VMP1: variants seen among roughly 807,000 people sequenced by gnomAD.
VMP1 encodes the protein ectopic P-granules autophagy protein 3 homolog.
In VMP1, 11 loss-of-function variants were observed where a neutral mutation model predicts 56.0. The observed-to-expected ratio is 0.20, with a 90% CI of 0.12 to 0.32. The LOEUF (loss-of-function observed/expected upper bound fraction) is 0.32. VMP1 is among the 10% of genes least tolerant of loss of function. The pLI is 1.00. For missense variants in VMP1, 296 were observed against 490.3 expected (o/e 0.60, Z 3.74); for synonymous variants, 149 against 165.0 (o/e 0.90, Z 0.74).
At position 59,841,167 on chromosome 17, in the gene VMP1, T is replaced by A; in HGVS notation, c.*1256T>A. ...TCTTAACAGGCCAGAAATGCCTGGG[T>A]TTTTTTGGTTTGTTTTTGTTTTTGT... is the stretch of plus-strand genomic sequence containing the variant. On this transcript the variant is annotated 3_prime_UTR_variant, in exon 12 of 12. Transcript: ENST00000262291. The A allele has an allele frequency of 2.7e-6, 1 of 369,732 alleles. No individual in the cohort carries two copies. The highest frequency in any genetic ancestry group is 2.1e-5 in the African/African-American group (1 of 48,564). 22.9% of individuals were successfully genotyped at this position (369,732 alleles called of 1,614,324 possible).
At chr17:59,807,232 T>C (rs145655836) in intron 7 of VMP1, among the ~76,000 whole-genome samples, 5,058 of 149,862 alleles carry the variant, frequency 0.034, 340 homozygotes, top group African/African-American at 0.12. Flanking sequence ...AGTCTCGCTC[T>C]TGTTGCCCAG....
chr17:59,711,422 TC>T (rs67215819), intron 1 of VMP1, among the ~76,000 whole-genome samples: 73,896 of 151,354 alleles, frequency 0.49, 20,834 homozygotes, highest in Non-Finnish European at 0.65. Context: ...GGAAATGAAC[TC>T]TAGATTAGAG....
chr17:59,762,498 A>T (rs2036093213), intron 5 of VMP1, among the ~76,000 whole-genome samples: 1 of 152,214 alleles, frequency 6.6e-6, no homozygotes, highest in African/African-American at 2.4e-5. Flanking sequence ...TTTCATATAA[A>T]CATATTTTTT....
At chr17:59,784,855 G>A (rs2036953640) in intron 7 of VMP1, 2 of 152,088 alleles carry the variant, frequency 1.3e-5, no homozygotes, top group Non-Finnish European at 2.9e-5. Flanking sequence ...TAAATGACTT[G>A]CAAATTTTTT....
At chr17:59,719,255 C>G (rs1323265634) in intron 1 of VMP1, among the ~76,000 whole-genome samples, 2 of 152,034 alleles carry the variant, frequency 1.3e-5, no homozygotes, top group Non-Finnish European at 2.9e-5. Flanking sequence ...AGAGTTCCAG[C>G]CTGTGGTGAC....
intron 6 of VMP1, among the ~76,000 whole-genome samples, chr17:59,772,534 C>T (rs1381188936): frequency 3.3e-5 from 5 of 151,408 alleles, no homozygotes; most frequent in African/African-American, 4.8e-5. Context: ...TTTGGGAGGC[C>T]GAGGCGGGTG....
intron 10 of VMP1, among the ~76,000 whole-genome samples, chr17:59,834,934 C>T (rs2038932250): frequency 6.8e-6 from 1 of 147,216 alleles, no homozygotes; most frequent in Non-Finnish European, 1.5e-5. Flanking sequence ...TAATTTTTGT[C>T]TTTTTGGTAG....
intron 7 of VMP1, among the ~76,000 whole-genome samples, chr17:59,807,496 C>T (rs1019376857): frequency 2.0e-5 from 3 of 151,838 alleles, no homozygotes; most frequent in Admixed American, 6.6e-5. Flanking sequence ...CGCGCCCGGC[C>T]GGATCTGTCC....
intron 10 of VMP1, among the ~76,000 whole-genome samples, chr17:59,821,730 T>A (rs1490606698): frequency 6.6e-6 from 1 of 151,866 alleles, no homozygotes; most frequent in African/African-American, 2.4e-5. Context: ...TTTTTTATTT[T>A]TAGTAGGGAC....
chr17:59,744,969 T>C (rs1451756971), intron 5 of VMP1, among the ~76,000 whole-genome samples: 1 of 152,124 alleles, frequency 6.6e-6, no homozygotes, highest in South Asian at 2.1e-4. Context: ...TGGAAATCAG[T>C]TTGCAAGAGG....
At chr17:59,733,191 A>C (rs1406119493) in intron 2 of VMP1, among the ~76,000 whole-genome samples, 2 of 152,028 alleles carry the variant, frequency 1.3e-5, no homozygotes, top group Non-Finnish European at 2.9e-5. Context: ...GTCCCCCAAA[A>C]AAAAAAATTT....
rs535424072 is a variant in VMP1, at chr17:59,839,637, G to A, written c.1078-131G>A. The A allele has an allele frequency of 2.6e-6, 3 of 1,144,760 alleles. No individual in the cohort carries two copies. The African/African-American group carries it at 4.7e-5, about 18-fold the overall frequency. 70.9% of individuals were successfully genotyped at this position (1,144,760 alleles called of 1,614,324 possible). On this transcript the variant is annotated intron_variant, in intron 11 of 11. Transcript: ENST00000262291. ...TAATGGAGATTTCAGAGTAGTTGGG[G>A]TTGCTTACTTTTCATTTTTAATTCT...
At chr17:59,738,517 T>C (rs758803722) in intron 4 of VMP1, among the ~76,000 whole-genome samples, 4 of 152,236 alleles carry the variant, frequency 2.6e-5, no homozygotes, top group Non-Finnish European at 4.4e-5. Context: ...TTATTTTAAA[T>C]ATATCTAAAA....
intron 1 of VMP1, among the ~76,000 whole-genome samples, chr17:59,726,291 G>GTTTTTTTTTTTTTTTTTTTTTTTTTTTT (rs541555827): frequency 6.9e-6 from 1 of 145,058 alleles, no homozygotes; most frequent in African/African-American, 2.6e-5. Context: ...AGTTTTTTTT[G>GTTTTTTTTTTTTTTTTTTTTTTTTTTTT]TTTTTTTTTT....
intron 5 of VMP1, among the ~76,000 whole-genome samples, chr17:59,747,287 C>T (rs2143880842): frequency 6.6e-6 from 1 of 152,222 alleles, no homozygotes; most frequent in East Asian, 1.9e-4. Flanking sequence ...ACCTTTCTGG[C>T]CAGCTTATGC....
chr17:59,778,069 A>G (rs569599293), intron 7 of VMP1, among the ~76,000 whole-genome samples: 2 of 152,238 alleles, frequency 1.3e-5, no homozygotes, highest in South Asian at 4.1e-4. Flanking sequence ...ACTATCTATG[A>G]GATTTCCCAA....
intron 8 of VMP1, among the ~76,000 whole-genome samples, chr17:59,809,872 G>A (rs1037894627): frequency 1.6e-4 from 25 of 152,000 alleles, no homozygotes; most frequent in African/African-American, 6.0e-4. Context: ...TGGCTTTTAA[G>A]TATTTCATCA....
At chr17:59,722,711 G>A (rs1440154238) in intron 1 of VMP1, among the ~76,000 whole-genome samples, 1 of 152,176 alleles carries the variant, frequency 6.6e-6, no homozygotes, top group African/African-American at 2.4e-5. Flanking sequence ...GGGCATGGGG[G>A]TACATGCTTG....
intron 5 of VMP1, among the ~76,000 whole-genome samples, chr17:59,749,861 G>A (rs898233619): frequency 2.4e-4 from 36 of 152,172 alleles, no homozygotes; most frequent in Non-Finnish European, 2.5e-4. Context: ...GGCCCAGCCC[G>A]TCTACCCACT....
Sources: gnomAD v4.1 joint callset for allele counts (sites outside exome capture counted in the v4.1 genomes callset) on GRCh38, gnomAD v4.1.1 for gene constraint, MANE v1.5 for transcripts, NCBI Gene and HGNC (gene_info 2026-07-23, HGNC 2026-07-21) for gene names.